RPS6KC1: variants seen among roughly 807,000 people sequenced by gnomAD.
RPS6KC1 encodes inactive ribosomal protein S6 kinase delta-1.
RPS6KC1 carries 54 observed loss-of-function variants against 103.8 expected under a neutral mutation model. The ratio of observed to expected loss-of-function variants is 0.52; its 90% CI spans 0.42 to 0.65. RPS6KC1 has a LOEUF of 0.65. Ranked by LOEUF, RPS6KC1 falls within the 30% of genes least tolerant of loss-of-function variation. RPS6KC1 has a pLI of 0.00. For missense variants in RPS6KC1, 1,151 were observed against 1,253.8 expected (o/e 0.92, Z 1.24); for synonymous variants, 439 against 438.7 (o/e 1.00, Z -0.01).
the RPS6KC1 span, among the ~76,000 whole-genome samples, chr1:213,761,913 C>CTTT: frequency 4.0e-5 from 6 of 151,822 alleles, no homozygotes; most frequent in South Asian, 8.3e-4. Context: ...GAGTTTAGAT[C>CTTT]TTTGATTATT....
the RPS6KC1 span, among the ~76,000 whole-genome samples, chr1:213,339,100 C>G: frequency 1.3e-5 from 2 of 151,958 alleles, no homozygotes; most frequent in Admixed American, 6.6e-5. Flanking sequence ...TCCATCTGAA[C>G]TAAAAATACA....
chr1:213,141,764 T>C (rs1004202154), intron 6 of RPS6KC1, among the ~76,000 whole-genome samples: 4 of 152,104 alleles, frequency 2.6e-5, no homozygotes, highest in African/African-American at 7.2e-5. Flanking sequence ...TGTTTAGCAC[T>C]GTTAACTTTA....
chr1:213,819,321 G>T, the RPS6KC1 span: 5 of 152,112 alleles, frequency 3.3e-5, no homozygotes, highest in Admixed American at 3.3e-4. Context: ...TATATAGTGC[G>T]TTTAAAACAT....
the RPS6KC1 span, among the ~76,000 whole-genome samples, chr1:213,294,122 C>T: frequency 2.6e-5 from 4 of 152,188 alleles, no homozygotes; most frequent in Non-Finnish European, 5.9e-5. Context: ...AGAGAGTGCT[C>T]TGCCTTGGGG....
At chr1:213,237,369 G>A (rs1573513662) in intron 10 of RPS6KC1, among the ~76,000 whole-genome samples, 2 of 152,188 alleles carry the variant, frequency 1.3e-5, no homozygotes, top group African/African-American at 4.8e-5. Context: ...TAGGGTTGAT[G>A]TGAGGATTAA....
At chr1:213,485,691 G>C in the RPS6KC1 span, among the ~76,000 whole-genome samples, 7 of 152,162 alleles carry the variant, frequency 4.6e-5, no homozygotes, top group Non-Finnish European at 8.8e-5. Context: ...CAAGACAGCA[G>C]GATAAGTGCT....
chr1:213,434,109 CA>C, the RPS6KC1 span, among the ~76,000 whole-genome samples: 127 of 133,250 alleles, frequency 9.5e-4, no homozygotes, highest in Non-Finnish European at 9.4e-4. Context: ...TGCAGATAAG[CA>C]AAAAAAAAAA....
At chr1:213,081,595 G>A (rs2079888157) in intron 3 of RPS6KC1, among the ~76,000 whole-genome samples, 1 of 151,706 alleles carries the variant, frequency 6.6e-6, no homozygotes, top group South Asian at 2.1e-4. Context: ...TAACAAAAGT[G>A]ATGGTATATC....
chr1:213,373,558 C>T, the RPS6KC1 span, among the ~76,000 whole-genome samples: 1 of 152,054 alleles, frequency 6.6e-6, no homozygotes, highest in Non-Finnish European at 1.5e-5. Flanking sequence ...CATAAGTAAC[C>T]TATGCTGCCA....
At chr1:213,749,657 C>G in the RPS6KC1 span, among the ~76,000 whole-genome samples, 1 of 152,228 alleles carries the variant, frequency 6.6e-6, no homozygotes, top group East Asian at 1.9e-4. Context: ...GCACCTCCCA[C>G]CTCCCCCACC....
At chr1:213,191,085 C>A (rs993187748) in intron 8 of RPS6KC1, among the ~76,000 whole-genome samples, 5 of 152,058 alleles carry the variant, frequency 3.3e-5, no homozygotes, top group African/African-American at 1.2e-4. Context: ...TAATGTGTTT[C>A]TTCCAGTTTT....
the RPS6KC1 span, among the ~76,000 whole-genome samples, chr1:213,678,619 G>A: frequency 6.6e-6 from 1 of 152,116 alleles, no homozygotes; most frequent in African/African-American, 2.4e-5. Context: ...ATAGATTTTT[G>A]GTCTGACCCA....
Position 213,061,546 on chromosome 1 carries a change from A to G in RPS6KC1, c.106-9460A>G, listed in dbSNP as rs149352176. On this transcript the variant is annotated intron_variant, in intron 1 of 14. Coordinates refer to ENST00000366960, the MANE Select transcript of RPS6KC1 (RefSeq NM_012424.6). Reference sequence around the variant, plus strand: ...TGAGTTGGTAAGGTAACAATTGCCTATGTGAGCTGGGTGCTTTGACCTACT... The same window carrying G: ...TGAGTTGGTAAGGTAACAATTGCCTGTGTGAGCTGGGTGCTTTGACCTACT... 2.7e-3 allele frequency among the ~76,000 whole-genome samples: 412 copies of G among 149,832 alleles called. 4 individuals are homozygous for G. The highest frequency in any genetic ancestry group is 9.3e-3 in the African/African-American group (379 of 40,896).
intron 8 of RPS6KC1, among the ~76,000 whole-genome samples, chr1:213,180,740 A>G (rs1056434985): frequency 1.3e-5 from 2 of 152,042 alleles, no homozygotes; most frequent in Admixed American, 6.6e-5. Flanking sequence ...CATGGGTGCA[A>G]TTCTTTTTGT....
the RPS6KC1 span, among the ~76,000 whole-genome samples, chr1:213,313,974 C>T: frequency 8.5e-4 from 129 of 152,144 alleles, no homozygotes; most frequent in East Asian, 0.014. Flanking sequence ...AAAAGAATAA[C>T]AGAAACTTAT....
the RPS6KC1 span, among the ~76,000 whole-genome samples, chr1:213,339,491 CTGGGTTTTGGG>C: frequency 1.3e-5 from 2 of 152,144 alleles, no homozygotes; most frequent in Non-Finnish European, 2.9e-5. Flanking sequence ...CTTTAAGCAA[CTGGGTTTTGGG>C]TGGTTTTCTC....
At chr1:213,060,094 C>T (rs775520319) in intron 1 of RPS6KC1, among the ~76,000 whole-genome samples, 5 of 152,132 alleles carry the variant, frequency 3.3e-5, no homozygotes, top group South Asian at 2.1e-4. Flanking sequence ...CTGGGATTGC[C>T]GGTGTGAACC....
At chr1:213,634,796 A>T in the RPS6KC1 span, among the ~76,000 whole-genome samples, 2 of 120,386 alleles carry the variant, frequency 1.7e-5, no homozygotes, top group Admixed American at 1.7e-4. Context: ...CCATAAAGTT[A>T]AAAAAAAAAA....
At chr1:213,703,311 T>A in the RPS6KC1 span, among the ~76,000 whole-genome samples, 1 of 152,214 alleles carries the variant, frequency 6.6e-6, no homozygotes, top group East Asian at 1.9e-4. Context: ...TGTCTATGTC[T>A]TAAAAAGCTG....
Sources: allele counts gnomAD v4.1 joint callset (sites outside exome capture counted in the v4.1 genomes callset), GRCh38; gene constraint gnomAD v4.1.1; transcripts MANE v1.5; gene names NCBI Gene and HGNC (gene_info 2026-07-23, HGNC 2026-07-21).